Variants in PPL observed in about 807,000 individuals in gnomAD.
PPL encodes the protein periplakin, also known as 190 kDa paraneoplastic pemphigus antigen.
PPL carries 198 observed loss-of-function variants against 194.4 expected under a neutral mutation model. That is an observed-to-expected ratio of 1.02 (90% CI 0.91 to 1.15). PPL has a LOEUF of 1.15. PPL is among the 50% of genes most tolerant of loss of function. The pLI, the probability that PPL is intolerant of heterozygous loss-of-function variation, is 0.00. For synonymous variants in PPL, 1,220 were observed against 972.4 expected, an observed-to-expected ratio of 1.25 and a Z score of -4.74; for missense variants, 2,885 against 2,294.8, an observed-to-expected ratio of 1.26 and a Z score of -5.25.
At chr16:4,928,009 G>C (rs1225749938) in intron 1 of PPL, among the ~76,000 whole-genome samples, 1 of 152,232 alleles carries the variant, frequency 6.6e-6, no homozygotes, top group Non-Finnish European at 1.5e-5. Context: ...AGGAGGCTGA[G>C]GTGGGAGGAT....
At chr16:4,906,643 G>A (rs1167621891) in intron 2 of PPL, among the ~76,000 whole-genome samples, 1 of 152,190 alleles carries the variant, frequency 6.6e-6, no homozygotes, top group Admixed American at 6.5e-5. Context: ...GAAGGTGCCC[G>A]GTGGGAATGC....
Position 4,884,729 on chromosome 16 carries a change from G to A in PPL, c.3926C>T (p.Ala1309Val), listed in dbSNP as rs557338273. The change falls in exon 22 of 22, where the codon GCG (alanine) becomes GTG (valine). Residue 1309 changes from alanine to valine, a missense_variant. Ala to Val is a moderately conservative substitution (Grantham distance 64). Transcript: ENST00000345988. This position sits in a 1 kb window ranked among gnomAD's most constrained non-coding sequence, Gnocchi z 5.7. ...CTCTGAGAGCTTTGCCCTCAGAGAC[G>A]CCACCTCCTCCTTGGTTTGAGGGTC... is the stretch of plus-strand genomic sequence containing the variant. ...QEDPQTKEEVASLRAKLSEEQ... is the reference protein window; with the variant it reads ...QEDPQTKEEVVSLRAKLSEEQ... 9.3e-6 allele frequency: 15 copies of A among 1,613,960 alleles called. No individual in the cohort carries two copies. The highest frequency in any genetic ancestry group is 5.3e-5 in the African/African-American group (4 of 74,896).
intron 2 of PPL, 66 bp downstream of exon 2, chr16:4,910,784 A>T: frequency 7.4e-7 from 1 of 1,357,250 alleles, no homozygotes; most frequent in Non-Finnish European, 1.1e-6. Context: ...TTCCAAACAG[A>T]TCCTGGTCCT....
At chr16:4,907,079 T>TAAAAAAA (rs57847738) in intron 2 of PPL, among the ~76,000 whole-genome samples, 103 of 76,848 alleles carry the variant, frequency 1.3e-3, no homozygotes, top group South Asian at 2.3e-3. Flanking sequence ...ACCCTATCTC[T>TAAAAAAA]AAAAAAAAAA....
chr16:4,926,885 AAAAAAAAC>A (rs1271259248), intron 1 of PPL, among the ~76,000 whole-genome samples: 82 of 115,810 alleles, frequency 7.1e-4, no homozygotes, highest in African/African-American at 1.4e-3. Context: ...TCTCAAAAAA[AAAAAAAAC>A]AAAAAAAAAC....
intron 10 of PPL, 92 bp from the exon 11 acceptor site, chr16:4,895,499 G>T (rs2096290074): frequency 1.2e-6 from 2 of 1,602,670 alleles, no homozygotes; most frequent in East Asian, 2.2e-5. Context: ...AGCAGGTGGG[G>T]TGCTGTGGAG....
chr16:4,909,593 ATTG>A (rs1456700075), intron 2 of PPL, among the ~76,000 whole-genome samples: 1 of 151,808 alleles, frequency 6.6e-6, no homozygotes, highest in Non-Finnish European at 1.5e-5. Context: ...CGCCCAGCTA[ATTG>A]TTGTATTTTT....
At chr16:4,888,920 G>C (rs2088262154) in intron 19 of PPL, 58 bp downstream of exon 19, 1 of 1,536,160 alleles carries the variant, frequency 6.5e-7, no homozygotes, top group Middle Eastern at 2.3e-4. Context: ...CTCTGACCAG[G>C]GCACGGTGGA....
At chr16:4,910,401 CTCGT>C (rs758340822) in intron 2 of PPL, among the ~76,000 whole-genome samples, 5 of 152,186 alleles carry the variant, frequency 3.3e-5, no homozygotes, top group Non-Finnish European at 5.9e-5. Flanking sequence ...TAGAGAGAAT[CTCGT>C]TCATGGGGAG....
intron 1 of PPL, among the ~76,000 whole-genome samples, chr16:4,917,337 G>A (rs2088943108): frequency 6.6e-6 from 1 of 152,076 alleles, no homozygotes; most frequent in South Asian, 2.1e-4. Flanking sequence ...AAGAATGAAG[G>A]CAGGACTGAC....
chr16:4,935,951 G>C (rs558412080), intron 1 of PPL, among the ~76,000 whole-genome samples: 2 of 152,302 alleles, frequency 1.3e-5, no homozygotes, highest in African/African-American at 4.8e-5. Flanking sequence ...TGTCCGAGAA[G>C]CTGGCAAAAT....
chr16:4,931,067 A>C (rs917861219), intron 1 of PPL, among the ~76,000 whole-genome samples: 46 of 152,266 alleles, frequency 3.0e-4, no homozygotes, highest in African/African-American at 1.1e-3. Context: ...GTGGGGATCC[A>C]TTTAAAGGGA....
At chr16:4,936,115 T>C (rs2089294660) in intron 1 of PPL, among the ~76,000 whole-genome samples, 1 of 152,170 alleles carries the variant, frequency 6.6e-6, no homozygotes, top group South Asian at 2.1e-4. Flanking sequence ...AAAAGGGACG[T>C]GGGCTGCTTC....
chr16:4,920,885 G>A (rs1387589446), intron 1 of PPL, among the ~76,000 whole-genome samples: 3 of 152,176 alleles, frequency 2.0e-5, no homozygotes, highest in East Asian at 1.9e-4. Context: ...TTACAGGCAT[G>A]AGCCCACTGT....
In PPL at chr16:4,918,854, C is replaced by A. The variant is rs548279666; in HGVS notation, c.63-7905G>T. On this transcript the variant is annotated intron_variant, in intron 1 of 21. Transcript: ENST00000345988. ...AGCAGGAATGTGGGTGGGGCAGGAACCTGCAGGAAAGGGGACAGGTCCCAG... is the reference window on the plus strand; with the variant it reads ...AGCAGGAATGTGGGTGGGGCAGGAAACTGCAGGAAAGGGGACAGGTCCCAG... Among the ~76,000 whole-genome samples the A allele has an allele frequency of 1.3e-3, 191 of 152,236 alleles. 2 individuals are homozygous for A. Among genetic ancestry groups the A allele is most frequent in the African/African-American group, 4.3e-3 (178 of 41,534 alleles).
intron 16 of PPL, 89 bp downstream of exon 16, chr16:4,891,722 G>A (rs2088322169): frequency 1.4e-6 from 2 of 1,471,794 alleles, no homozygotes; most frequent in Non-Finnish European, 1.8e-6. Context: ...GGATGCTGGT[G>A]TCCTCATCTA....
intron 19 of PPL, 103 bp downstream of exon 19, chr16:4,888,875 C>T: frequency 1.7e-6 from 2 of 1,167,542 alleles, no homozygotes; most frequent in Middle Eastern, 2.8e-4. Flanking sequence ...ATGGCCAGCT[C>T]CACCCCCATG....
chr16:4,889,224 G>GTT (rs34820925), intron 18 of PPL, among the ~76,000 whole-genome samples, 163 bp from the exon 19 acceptor site: 30,299 of 63,228 alleles, frequency 0.48, 5,813 homozygotes, highest in South Asian at 0.62. Context: ...GCAAAAGGCA[G>GTT]TTTTTTTGTT....
In PPL at chr16:4,885,058, C is replaced by T. The variant is rs766124504; in HGVS notation, c.3597G>A (p.Glu1199=). ...ANLRLELVEQ[E]RKYRGAEEQL... The stretch of plus-strand genomic sequence containing the variant: ...GCTCCTCGGCACCCCGGTACTTTCG[C>T]TCCTGCTCCACAAGCTCCAGGCGGA... The change falls in exon 22 of 22, where the codon GAG becomes GAA. Residue 1199 remains glutamate (E), a synonymous_variant. Coordinates refer to ENST00000345988, the MANE Select transcript of PPL (RefSeq NM_002705.5). This position sits in a 1 kb window ranked among gnomAD's most constrained non-coding sequence, Gnocchi z 6.3. 3 of 1,613,586 alleles carry T rather than the reference C, an allele frequency of 1.9e-6. No homozygotes were observed. Among genetic ancestry groups the T allele is most frequent in the East Asian group, 4.5e-5 (2 of 44,886 alleles).
Sources: allele counts gnomAD v4.1 joint callset (sites outside exome capture counted in the v4.1 genomes callset), GRCh38; gene constraint gnomAD v4.1.1; non-coding constraint Gnocchi (gnomAD v3.1); transcripts MANE v1.5; gene names NCBI Gene and HGNC (gene_info 2026-07-23, HGNC 2026-07-21).